ITGA2: variants seen among roughly 807,000 people sequenced by gnomAD.
ITGA2 encodes the protein integrin alpha-2.
In ITGA2, 101 loss-of-function variants were observed where a neutral mutation model predicts 146.3. That is an observed-to-expected ratio of 0.69 (90% CI 0.59 to 0.81). The LOEUF (loss-of-function observed/expected upper bound fraction) is 0.81, where lower values mean the gene tolerates loss of function less well. ITGA2 is among the 40% of genes least tolerant of loss of function. The pLI is 0.00. For missense variants in ITGA2, 1,281 were observed against 1,402.7 expected, an observed-to-expected ratio of 0.91 and a Z score of 1.39; for synonymous variants, 477 against 487.1, an observed-to-expected ratio of 0.98 and a Z score of 0.27.
In ITGA2 at chr5:53,055,684, T is replaced by G; in HGVS notation, c.926T>G (p.Ile309Arg). The change falls in exon 8 of 30, where the codon ATA becomes AGA. Residue 309 changes from isoleucine (I) to arginine (R), a missense_variant. Around this residue, in one of 3 missense-constraint regions of ITGA2, gnomAD observed 795 missense variants for 841.7 expected, o/e 0.94. Coordinates refer to ENST00000296585, the MANE Select transcript of ITGA2 (RefSeq NM_002203.4). ...CNHDNILRFG[I>R]AVLGYLNRNA... ...CATGACAATATACTGAGGTTTGGCA[T>G]AGCAGTAAGTGGCTTTTCTTTTCAC... is the stretch of plus-strand genomic sequence containing the variant. 6.2e-7 allele frequency: 1 copy of G among 1,613,124 alleles called. No individual in the cohort carries two copies. The highest frequency in any genetic ancestry group is 8.5e-7 in the Non-Finnish European group (1 of 1,179,348).
At chr5:53,050,794 T>C (rs1356165484) in intron 6 of ITGA2, among the ~76,000 whole-genome samples, 1 of 152,212 alleles carries the variant, frequency 6.6e-6, no homozygotes, top group Non-Finnish European at 1.5e-5. Flanking sequence ...TGCTCTCCAG[T>C]GGCATTTTCT....
intron 6 of ITGA2, among the ~76,000 whole-genome samples, chr5:53,050,038 C>T (rs3212497): frequency 0.11 from 16,628 of 152,160 alleles, 1,115 homozygotes; most frequent in African/African-American, 0.18. Context: ...CAGGACATTC[C>T]GCTAAATAAA....
At chr5:53,010,836 T>G (rs991591608) in intron 1 of ITGA2, among the ~76,000 whole-genome samples, 17 of 152,120 alleles carry the variant, frequency 1.1e-4, no homozygotes, top group African/African-American at 1.9e-4. Flanking sequence ...ATGTGGTGGT[T>G]AAGGATCTTG....
intron 1 of ITGA2, among the ~76,000 whole-genome samples, chr5:53,022,203 A>G (rs1742719774): frequency 2.1e-5 from 2 of 93,936 alleles, no homozygotes; most frequent in South Asian, 4.4e-4. Flanking sequence ...TCTGAGTTTC[A>G]CTGCATTTTT....
At chr5:53,085,235 G>A (rs1746103683) in intron 27 of ITGA2, among the ~76,000 whole-genome samples, 1 of 152,214 alleles carries the variant, frequency 6.6e-6, no homozygotes, top group Middle Eastern at 3.2e-3. Context: ...TTTCTCTGAT[G>A]TAGTGCAAGG....
intron 24 of ITGA2, 93 bp from the exon 25 acceptor site, chr5:53,080,418 G>T: frequency 1.1e-6 from 1 of 919,360 alleles, no homozygotes. Context: ...TTACCACCTC[G>T]TAGTTGCCCT....
At chr5:53,067,071 T>C in intron 15 of ITGA2, 47 bp from the exon 16 acceptor site, 1 of 1,586,380 alleles carries the variant, frequency 6.3e-7, no homozygotes, top group Non-Finnish European at 8.6e-7. Context: ...ATAATACGTG[T>C]GCTCAGTAAT....
At chr5:53,038,031 C>T (rs1174474371) in intron 2 of ITGA2, among the ~76,000 whole-genome samples, 1 of 152,062 alleles carries the variant, frequency 6.6e-6, no homozygotes, top group Non-Finnish European at 1.5e-5. Context: ...CAGAGGTGGT[C>T]ATGATGTTAT....
At chr5:53,089,306 A>C (rs1740292464) in intron 28 of ITGA2, 1 of 152,266 alleles carries the variant, frequency 6.6e-6, no homozygotes, top group Admixed American at 6.5e-5. Flanking sequence ...CTAATTAATT[A>C]AAAACTGAAT....
intron 1 of ITGA2, among the ~76,000 whole-genome samples, chr5:53,002,728 C>G (rs1579781305): frequency 6.6e-6 from 1 of 152,060 alleles, no homozygotes; most frequent in South Asian, 2.1e-4. Context: ...AGGGGCATTA[C>G]TATGTCAAAG....
chr5:53,030,081 C>G (rs1743152397), intron 2 of ITGA2, among the ~76,000 whole-genome samples: 1 of 152,162 alleles, frequency 6.6e-6, no homozygotes, highest in Non-Finnish European at 1.5e-5. Flanking sequence ...CAACCACTGG[C>G]CATGCTGCTG....
chr5:53,053,908 TTAAAAC>T (rs1410227202), intron 7 of ITGA2, among the ~76,000 whole-genome samples: 1 of 152,150 alleles, frequency 6.6e-6, no homozygotes, highest in Non-Finnish European at 1.5e-5. Context: ...CTGCGGGTAA[TTAAAAC>T]TAAATGAGAC....
intron 1 of ITGA2, among the ~76,000 whole-genome samples, chr5:53,024,475 A>G (rs1333713658): frequency 6.6e-6 from 1 of 152,234 alleles, no homozygotes; most frequent in African/African-American, 2.4e-5. Flanking sequence ...GTGCTGAGAA[A>G]GTAAGAGTGA....
At chr5:53,045,187 T>G in intron 4 of ITGA2, 95 bp downstream of exon 4, 1 of 973,272 alleles carries the variant, frequency 1.0e-6, no homozygotes, top group South Asian at 1.4e-5. Flanking sequence ...GATTTAGATG[T>G]TTAGAACTTG....
At chr5:53,060,139 A>T (rs1229744911) in intron 11 of ITGA2, 127 bp downstream of exon 11, 3 of 975,318 alleles carry the variant, frequency 3.1e-6, no homozygotes, top group African/African-American at 1.6e-5. Context: ...TTTATTACAC[A>T]TACATATGTT....
At chr5:53,042,499 C>A (rs1300964504) in intron 3 of ITGA2, among the ~76,000 whole-genome samples, 1 of 152,090 alleles carries the variant, frequency 6.6e-6, no homozygotes, top group Non-Finnish European at 1.5e-5. Flanking sequence ...TGATTACTTG[C>A]AGAATCAAGG....
intron 9 of ITGA2, 49 bp downstream of exon 9, chr5:53,056,198 A>G (rs1164053073): frequency 6.5e-7 from 1 of 1,534,074 alleles, no homozygotes; most frequent in African/African-American, 1.4e-5. Context: ...ATGTTTAAAT[A>G]ATTGTTTATT....
chr5:53,086,555 T>C (rs1024071301), intron 27 of ITGA2, among the ~76,000 whole-genome samples: 1 of 152,236 alleles, frequency 6.6e-6, no homozygotes, highest in African/African-American at 2.4e-5. Context: ...GTTTACAATT[T>C]TCTCTCATGT....
At chr5:53,052,870 A>T (rs999745642) in intron 7 of ITGA2, among the ~76,000 whole-genome samples, 2 of 152,088 alleles carry the variant, frequency 1.3e-5, no homozygotes, top group Non-Finnish European at 2.9e-5. Flanking sequence ...CTGTCATGGC[A>T]TCAGCAGCAG....
Sources: allele counts gnomAD v4.1 joint callset (sites outside exome capture counted in the v4.1 genomes callset), GRCh38; gene constraint gnomAD v4.1.1; regional missense constraint gnomAD v4.1.1; transcripts MANE v1.5; gene names NCBI Gene and HGNC (gene_info 2026-07-23, HGNC 2026-07-21).